Variants in CRYBG1 observed in about 807,000 individuals in gnomAD.
CRYBG1 encodes the protein crystallin beta-gamma domain containing 1, also known as beta/gamma crystallin domain-containing protein 1.
CRYBG1 carries 139 observed loss-of-function variants against 189.2 expected under a neutral mutation model. That is an observed-to-expected ratio of 0.73 (90% CI 0.64 to 0.85). The LOEUF is 0.85. Ranked by LOEUF, CRYBG1 falls within the 40% of genes least tolerant of loss-of-function variation. The probability of loss-of-function intolerance (pLI) is 0.00; values close to 1 mark genes in which losing one functional copy is unlikely to be tolerated. For missense variants in CRYBG1, 2,611 were observed against 2,675.8 expected, an observed-to-expected ratio of 0.98 and a Z score of 0.53; for synonymous variants, 1,023 against 1,017.1, an observed-to-expected ratio of 1.01 and a Z score of -0.11.
intron 1 of CRYBG1, among the ~76,000 whole-genome samples, chr6:106,440,345 A>G (rs1771545165): frequency 6.7e-6 from 1 of 150,240 alleles, no homozygotes; most frequent in Non-Finnish European, 1.5e-5. Context: ...GCTCACTGCA[A>G]CCTCCACCTC....
At chr6:106,484,486 A>T (rs956456209) in intron 2 of CRYBG1, among the ~76,000 whole-genome samples, 13 of 151,670 alleles carry the variant, frequency 8.6e-5, no homozygotes, top group Admixed American at 2.6e-4. Flanking sequence ...CACCCAGCTA[A>T]TTTTTTTCTT....
intron 1 of CRYBG1, among the ~76,000 whole-genome samples, chr6:106,438,057 C>T (rs1317514238): frequency 6.6e-6 from 1 of 152,010 alleles, no homozygotes; most frequent in Non-Finnish European, 1.5e-5. Context: ...CTTTAAAGGG[C>T]ATGTACATCT....
intron 3 of CRYBG1, among the ~76,000 whole-genome samples, chr6:106,515,307 G>A (rs1773392761): frequency 1.3e-5 from 2 of 152,226 alleles, no homozygotes; most frequent in South Asian, 2.1e-4. Context: ...TCAGTCTGAA[G>A]TAGGTTAATT....
chr6:106,501,148 A>G (rs1364127612), intron 2 of CRYBG1, among the ~76,000 whole-genome samples: 1 of 152,242 alleles, frequency 6.6e-6, no homozygotes, highest in African/African-American at 2.4e-5. Context: ...CAGACACAGC[A>G]ATAAAGAAAT....
intron 2 of CRYBG1, among the ~76,000 whole-genome samples, chr6:106,481,448 A>T (rs1772455079): frequency 6.6e-6 from 1 of 152,196 alleles, no homozygotes; most frequent in Non-Finnish European, 1.5e-5. Context: ...GCTGGTCTTC[A>T]TGGTGACTGA....
intron 1 of CRYBG1, among the ~76,000 whole-genome samples, chr6:106,368,963 A>G (rs754239203): frequency 2.6e-5 from 4 of 152,238 alleles, no homozygotes; most frequent in Non-Finnish European, 4.4e-5. Context: ...ACTTAAAATG[A>G]TGGAGCCTAT....
At chr6:106,480,871 T>C (rs1456930031) in intron 2 of CRYBG1, among the ~76,000 whole-genome samples, 1 of 149,460 alleles carries the variant, frequency 6.7e-6, no homozygotes, top group Non-Finnish European at 1.5e-5. Context: ...CTTGGAAGGC[T>C]GAGACATGAG....
intron 2 of CRYBG1, among the ~76,000 whole-genome samples, chr6:106,490,477 A>AT (rs1463567819): frequency 6.6e-6 from 1 of 152,202 alleles, no homozygotes; most frequent in South Asian, 2.1e-4. Flanking sequence ...GAAATGTCAT[A>AT]TTTTTTACAC....
At chr6:106,516,043 G>A (rs765362889) in intron 3 of CRYBG1, among the ~76,000 whole-genome samples, 18 of 151,750 alleles carry the variant, frequency 1.2e-4, no homozygotes, top group Non-Finnish European at 2.4e-4. Flanking sequence ...CACCTGCCTC[G>A]GCCTCCCAAA....
At position 106,416,356 on chromosome 6, in the gene CRYBG1, A is replaced by C. The variant is rs182511862; in HGVS notation, c.174-35338A>C. On this transcript the variant is annotated intron_variant, in intron 1 of 21. Coordinates refer to ENST00000633556, the MANE Select transcript of CRYBG1 (RefSeq NM_001371242.2). Reference sequence around the variant, plus strand: ...TTGGGGCTTCCCTCACTTGGTTTACAGCAGCAGGGAGAGAAGCATTCACTG... The same window carrying C: ...TTGGGGCTTCCCTCACTTGGTTTACCGCAGCAGGGAGAGAAGCATTCACTG... Among the ~76,000 whole-genome samples, 9 of 152,350 alleles carry C rather than the reference A, an allele frequency of 5.9e-5. No individual in the cohort carries two copies. The East Asian group carries it at 1.7e-3, about 29-fold the overall frequency.
intron 1 of CRYBG1, among the ~76,000 whole-genome samples, chr6:106,401,163 T>C (rs73763937): frequency 0.049 from 7,464 of 152,248 alleles, 629 homozygotes; most frequent in African/African-American, 0.17. Context: ...TCTAAAATTA[T>C]GAAGATCCTC....
intron 2 of CRYBG1, among the ~76,000 whole-genome samples, chr6:106,503,385 A>G (rs931934237): frequency 6.6e-6 from 1 of 152,238 alleles, no homozygotes; most frequent in African/African-American, 2.4e-5. Context: ...TGTTTATGCT[A>G]TCACATCCAT....
chr6:106,445,896 G>A (rs1286910275), intron 1 of CRYBG1, among the ~76,000 whole-genome samples: 1 of 152,196 alleles, frequency 6.6e-6, no homozygotes, highest in Non-Finnish European at 1.5e-5. Context: ...AATAGATTGT[G>A]GGGTTTTGTT....
chr6:106,491,151 G>T (rs1391646543), intron 2 of CRYBG1, among the ~76,000 whole-genome samples: 1 of 152,108 alleles, frequency 6.6e-6, no homozygotes, highest in Admixed American at 6.5e-5. Flanking sequence ...CTCACAAGTC[G>T]TGTCAGAGCA....
chr6:106,468,025 G>T (rs987776843), intron 2 of CRYBG1, among the ~76,000 whole-genome samples: 18 of 152,226 alleles, frequency 1.2e-4, no homozygotes, highest in Admixed American at 3.3e-4. Flanking sequence ...ATAACTGGGG[G>T]TCATCTGTAA....
intron 4 of CRYBG1, among the ~76,000 whole-genome samples, 162 bp downstream of exon 4, chr6:106,521,615 G>A (rs1264207762): frequency 5.6e-5 from 8 of 141,988 alleles, no homozygotes; most frequent in Non-Finnish European, 1.2e-4. Flanking sequence ...ACAAGGGACC[G>A]TTAGAGTGCA....
chr6:106,514,947 A>G (rs940385266), intron 3 of CRYBG1, among the ~76,000 whole-genome samples: 3 of 152,150 alleles, frequency 2.0e-5, no homozygotes, highest in Non-Finnish European at 2.9e-5. Flanking sequence ...CCTTTGACCC[A>G]TTTCTTTGTG....
chr6:106,527,449 T>C lies in CRYBG1; in HGVS notation c.4557T>C (p.Gly1519=), dbSNP rs373748066. ...AGTCTGATAAGCCAGTGGTGATTGG[T>C]TCCATCAGACATGTGGTTCAGGTAG... The part of the protein sequence containing the change: ...EAESDKPVVI[G]SIRHVVQDYR... Residue 1519 remains glycine, a synonymous_variant, in exon 7 of 22, where the codon GGT becomes GGC. Transcript: ENST00000633556. 128 of 1,611,988 alleles carry C rather than the reference T, an allele frequency of 7.9e-5. No individual in the cohort carries two copies. The highest frequency in any genetic ancestry group is 1.0e-4 in the Non-Finnish European group (122 of 1,178,798).
intron 13 of CRYBG1, among the ~76,000 whole-genome samples, chr6:106,551,392 A>G (rs1036170286): frequency 6.6e-6 from 1 of 152,064 alleles, no homozygotes; most frequent in Non-Finnish European, 1.5e-5. Context: ...TATGTACCAC[A>G]TTTTCTCTAT....
Sources: allele counts gnomAD v4.1 joint callset (sites outside exome capture counted in the v4.1 genomes callset), GRCh38; gene constraint gnomAD v4.1.1; transcripts MANE v1.5; gene names NCBI Gene and HGNC (gene_info 2026-07-23, HGNC 2026-07-21).